CSMD3: variants seen among roughly 807,000 people sequenced by gnomAD.
The protein encoded by CSMD3 is CUB and sushi domain-containing protein 3.
CSMD3 carries 177 observed loss-of-function variants against 435.2 expected under a neutral mutation model. That is an observed-to-expected ratio of 0.41 (90% CI 0.36 to 0.46). CSMD3 has a LOEUF of 0.46. Among genes scored for constraint, CSMD3 ranks in the 20% least tolerant of loss-of-function variants. The probability of loss-of-function intolerance (pLI) is 0.34; values close to 1 mark genes in which losing one functional copy is unlikely to be tolerated. For missense variants in CSMD3, 4,265 were observed against 4,504.6 expected (o/e 0.95, Z 1.52); for synonymous variants, 1,656 against 1,520.5 (o/e 1.09, Z -2.07).
intron 1 of CSMD3, among the ~76,000 whole-genome samples, chr8:113,368,694 T>C (rs966759375): frequency 2.0e-5 from 3 of 152,108 alleles, no homozygotes; most frequent in Non-Finnish European, 4.4e-5. Context: ...TGATGACACG[T>C]CAATAATCTT....
chr8:112,620,092 G>A (rs1270831093), intron 22 of CSMD3, among the ~76,000 whole-genome samples: 2 of 152,026 alleles, frequency 1.3e-5, no homozygotes, highest in Non-Finnish European at 2.9e-5. Flanking sequence ...CAACAAGAAA[G>A]CAATCAGAAA....
intron 38 of CSMD3, among the ~76,000 whole-genome samples, chr8:112,371,212 T>C (rs1056330497): frequency 2.0e-5 from 3 of 152,196 alleles, no homozygotes; most frequent in Non-Finnish European, 4.4e-5. Context: ...GCACATATAC[T>C]GCTCCTCTGA....
chr8:113,385,759 G>A (rs2094436628), intron 1 of CSMD3, among the ~76,000 whole-genome samples: 1 of 152,062 alleles, frequency 6.6e-6, no homozygotes, highest in African/African-American at 2.4e-5. Flanking sequence ...TGGTACTTGA[G>A]AAGCAATAAT....
chr8:112,341,382 TAAAAC>T, intron 42 of CSMD3, 90 bp downstream of exon 42: 1 of 882,608 alleles, frequency 1.1e-6, no homozygotes, highest in African/African-American at 1.7e-5. Context: ...TTTTTCTTTC[TAAAAC>T]AGAATACAGA....
chr8:112,439,574 C>T lies in CSMD3; in HGVS notation c.5396-30542G>A, dbSNP rs145938268. ...AATTAATTTTGTACTAGTCCATTCT[C>T]ACACTGTTATAAAGAACTGCCTGAC... is the stretch of plus-strand genomic sequence containing the variant. On this transcript the variant is annotated intron_variant, in intron 32 of 70. Transcript: ENST00000297405. 2.4e-3 allele frequency among the ~76,000 whole-genome samples: 373 copies of T among 152,246 alleles called. 2 individuals are homozygous for T. Among genetic ancestry groups the T allele is most frequent in the African/African-American group, 7.4e-3 (306 of 41,538 alleles).
intron 23 of CSMD3, among the ~76,000 whole-genome samples, chr8:112,584,385 G>A (rs1399452020): frequency 6.6e-6 from 1 of 151,620 alleles, no homozygotes; most frequent in Non-Finnish European, 1.5e-5. Flanking sequence ...ACTCACTGGT[G>A]TAAACTCTAC....
chr8:113,081,422 C>G (rs1050975271), intron 5 of CSMD3, among the ~76,000 whole-genome samples: 1 of 152,086 alleles, frequency 6.6e-6, no homozygotes, highest in East Asian at 1.9e-4. Flanking sequence ...TGTTGGGACT[C>G]CCCCACTGCT....
chr8:112,347,164 G>C (rs999683838), intron 40 of CSMD3, among the ~76,000 whole-genome samples: 2 of 151,966 alleles, frequency 1.3e-5, no homozygotes, highest in East Asian at 3.9e-4. Context: ...CCTATTATAC[G>C]GTTTACTATC....
intron 1 of CSMD3, among the ~76,000 whole-genome samples, chr8:113,414,651 C>CAAAAAAAAAAAAAAA (rs780988317): frequency 1.2e-5 from 1 of 85,088 alleles, no homozygotes; most frequent in African/African-American, 4.0e-5. Flanking sequence ...TGCCCAAATA[C>CAAAAAAAAAAAAAAA]AAAAAAAAAA....
At position 112,753,989 on chromosome 8, in the gene CSMD3, T is replaced by C. The variant is rs2077633861; in HGVS notation, c.1972+46173A>G. Among the ~76,000 whole-genome samples, 3 of 152,228 alleles carry C rather than the reference T, an allele frequency of 2.0e-5. No individual in the cohort carries two copies. The South Asian group carries it at 6.2e-4, about 31-fold the overall frequency. On this transcript the variant is annotated intron_variant, in intron 13 of 70. Coordinates refer to ENST00000297405, the MANE Select transcript of CSMD3 (RefSeq NM_198123.2). Reference sequence around the variant, plus strand: ...TTTGAGAAAGAAGAATGGAGCTGTGTGGCTAGAGAAAGGCTGAATAAGAGA... The same window carrying C: ...TTTGAGAAAGAAGAATGGAGCTGTGCGGCTAGAGAAAGGCTGAATAAGAGA...
chr8:113,317,619 A>C (rs993328291), intron 1 of CSMD3, among the ~76,000 whole-genome samples: 1 of 152,126 alleles, frequency 6.6e-6, no homozygotes, highest in Non-Finnish European at 1.5e-5. Flanking sequence ...AATAAAGTAC[A>C]TTTTTTCCAG....
intron 12 of CSMD3, among the ~76,000 whole-genome samples, chr8:112,803,247 T>C (rs896355822): frequency 6.6e-6 from 1 of 152,234 alleles, no homozygotes; most frequent in African/African-American, 2.4e-5. Context: ...CCCTTGTGTC[T>C]CTTTATCCTT....
intron 27 of CSMD3, among the ~76,000 whole-genome samples, chr8:112,521,800 T>C (rs1824312782): frequency 6.6e-6 from 1 of 151,802 alleles, no homozygotes; most frequent in Non-Finnish European, 1.5e-5. Flanking sequence ...TATAAAACCT[T>C]TTAATCTTCT....
At chr8:113,129,492 G>A (rs1286776817) in intron 4 of CSMD3, among the ~76,000 whole-genome samples, 6 of 152,080 alleles carry the variant, frequency 3.9e-5, no homozygotes, top group Non-Finnish European at 1.5e-5. Flanking sequence ...ATTAACATGG[G>A]CAACCAGATG....
At chr8:112,819,417 G>T (rs1038546509) in intron 12 of CSMD3, among the ~76,000 whole-genome samples, 3 of 152,082 alleles carry the variant, frequency 2.0e-5, no homozygotes, top group African/African-American at 7.2e-5. Flanking sequence ...TAAAATTCAG[G>T]TTCACTCAAA....
intron 15 of CSMD3, 129 bp downstream of exon 15, chr8:112,685,277 C>T: frequency 7.1e-6 from 5 of 702,918 alleles, no homozygotes; most frequent in Non-Finnish European, 1.2e-5. Context: ...CCATCCTTGG[C>T]ACAATGAGAT....
intron 2 of CSMD3, among the ~76,000 whole-genome samples, chr8:113,284,781 G>A: frequency 6.6e-6 from 1 of 152,002 alleles, no homozygotes; most frequent in East Asian, 1.9e-4. Context: ...TTAGTTTTTT[G>A]CATATATTGC....
At chr8:113,383,782 TC>T (rs1285133428) in intron 1 of CSMD3, among the ~76,000 whole-genome samples, 2 of 152,186 alleles carry the variant, frequency 1.3e-5, no homozygotes, top group Non-Finnish European at 2.9e-5. Context: ...GGCTGATCAC[TC>T]CTGTGTTTTA....
chr8:113,049,530 G>A (rs540134440), intron 5 of CSMD3, among the ~76,000 whole-genome samples: 2 of 152,058 alleles, frequency 1.3e-5, no homozygotes, highest in African/African-American at 2.4e-5. Context: ...TGACAAGAAC[G>A]ATTATTTTTT....
Sources: allele counts gnomAD v4.1 joint callset (sites outside exome capture counted in the v4.1 genomes callset), GRCh38; gene constraint gnomAD v4.1.1; transcripts MANE v1.5; gene names NCBI Gene and HGNC (gene_info 2026-07-23, HGNC 2026-07-21).